DLG2: variants seen among roughly 807,000 people sequenced by gnomAD.
DLG2 encodes disks large homolog 2.
A neutral mutation model predicts 132.5 loss-of-function variants in DLG2; 45 were observed. The ratio of observed to expected loss-of-function variants is 0.34; its 90% CI spans 0.27 to 0.44. DLG2 has a LOEUF of 0.44. Among genes scored for constraint, DLG2 ranks in the 20% least tolerant of loss-of-function variants. The pLI, the probability that DLG2 is intolerant of heterozygous loss-of-function variation, is 1.00. For synonymous variants in DLG2, 424 were observed against 419.6 expected (o/e 1.01, Z -0.13); for missense variants, 1,045 against 1,196.9 (o/e 0.87, Z 1.87).
At chr11:85,516,674 A>G (rs2094176056) in intron 3 of DLG2, among the ~76,000 whole-genome samples, 1 of 152,104 alleles carries the variant, frequency 6.6e-6, no homozygotes, top group Non-Finnish European at 1.5e-5. Context: ...GAAATCCTAG[A>G]GGAAATGAAT....
At chr11:85,092,444 C>T (rs2068940256) in intron 6 of DLG2, among the ~76,000 whole-genome samples, 3 of 151,988 alleles carry the variant, frequency 2.0e-5, no homozygotes, top group Admixed American at 1.3e-4. Context: ...TTAAAAGACA[C>T]TTATTTACAT....
intron 6 of DLG2, among the ~76,000 whole-genome samples, chr11:84,659,287 G>A (rs966658177): frequency 1.3e-5 from 2 of 151,740 alleles, no homozygotes; most frequent in Admixed American, 1.3e-4. Flanking sequence ...GTCTGTCCCT[G>A]GACCCTCTCT....
intron 7 of DLG2, among the ~76,000 whole-genome samples, chr11:84,309,423 A>G (rs1165635363): frequency 2.0e-5 from 3 of 152,220 alleles, no homozygotes; most frequent in Admixed American, 2.0e-4. Context: ...GGCAACTTAT[A>G]ACAATAAAAG....
chr11:84,532,925 G>A (rs938499786), intron 7 of DLG2, among the ~76,000 whole-genome samples: 1 of 152,140 alleles, frequency 6.6e-6, no homozygotes, highest in East Asian at 1.9e-4. Context: ...AACAGAGTAA[G>A]GATCAGCAAT....
chr11:85,397,967 G>C (rs149640316), intron 3 of DLG2, among the ~76,000 whole-genome samples: 1 of 152,088 alleles, frequency 6.6e-6, no homozygotes, highest in Non-Finnish European at 1.5e-5. Flanking sequence ...CAAATCAACA[G>C]AATATACATT....
At chr11:85,503,551 A>C (rs974609783) in intron 3 of DLG2, among the ~76,000 whole-genome samples, 5 of 152,096 alleles carry the variant, frequency 3.3e-5, no homozygotes, top group African/African-American at 1.2e-4. Flanking sequence ...AGGTGATTGG[A>C]TAATGAAGGT....
chr11:83,503,741 C>T (rs1592013914), intron 21 of DLG2, among the ~76,000 whole-genome samples: 1 of 151,960 alleles, frequency 6.6e-6, no homozygotes, highest in South Asian at 2.1e-4. Flanking sequence ...CTTTCCCAGC[C>T]CACTGACTCA....
chr11:84,114,456 C>T (rs553076436), intron 9 of DLG2, among the ~76,000 whole-genome samples: 4 of 152,050 alleles, frequency 2.6e-5, no homozygotes, highest in Middle Eastern at 3.2e-3. Flanking sequence ...AATTTGAAAG[C>T]GAACTCAAGG....
At chr11:83,522,489 G>T (rs541023411) in intron 21 of DLG2, among the ~76,000 whole-genome samples, 2 of 151,106 alleles carry the variant, frequency 1.3e-5, no homozygotes, top group African/African-American at 4.9e-5. Flanking sequence ...TCCTCTAAAG[G>T]CAACAATAAA....
In DLG2 at chr11:85,536,214, C is replaced by CAA. The variant is rs527811605; in HGVS notation, c.40+62441_40+62442dup. 6.6e-3 allele frequency among the ~76,000 whole-genome samples: 376 copies of CAA among 57,108 alleles called. 4 individuals are homozygous for CAA. The highest frequency in any genetic ancestry group is 0.017 in the African/African-American group (257 of 15,352). 37.5% of individuals were successfully genotyped at this position (57,108 alleles called of 152,430 possible). ...CTGGCAACAGAGTGTGACCCTGTCTCAAAAAAAAAAAAAAAAAAAAAAAAG... is the reference window on the plus strand; with the variant it reads ...CTGGCAACAGAGTGTGACCCTGTCTCAAAAAAAAAAAAAAAAAAAAAAAAAAG... On this transcript the variant is annotated intron_variant, in intron 3 of 27. Transcript: ENST00000376104.
intron 7 of DLG2, among the ~76,000 whole-genome samples, chr11:84,474,793 T>C (rs1017952274): frequency 2.6e-5 from 4 of 152,144 alleles, no homozygotes; most frequent in African/African-American, 9.6e-5. Flanking sequence ...ATAATCTTCT[T>C]GAAGAGTGGG....
intron 19 of DLG2, among the ~76,000 whole-genome samples, chr11:83,614,131 A>T (rs1039485541): frequency 1.3e-5 from 2 of 152,160 alleles, no homozygotes; most frequent in Non-Finnish European, 2.9e-5. Flanking sequence ...GTGAGTTCCA[A>T]ATTCAGTGTA....
intron 9 of DLG2, among the ~76,000 whole-genome samples, chr11:84,162,781 C>T (rs2095575651): frequency 6.6e-6 from 1 of 152,236 alleles, no homozygotes; most frequent in Admixed American, 6.5e-5. Context: ...CATTGTCTTC[C>T]TTTGTTCTTA....
chr11:84,928,178 G>C (rs1437866149), intron 6 of DLG2, among the ~76,000 whole-genome samples: 1 of 151,946 alleles, frequency 6.6e-6, no homozygotes, highest in Non-Finnish European at 1.5e-5. Flanking sequence ...TGAGATGGAT[G>C]CCACTTGAGA....
At chr11:85,497,305 G>C (rs530048060) in intron 3 of DLG2, among the ~76,000 whole-genome samples, 62 of 151,614 alleles carry the variant, frequency 4.1e-4, no homozygotes, top group South Asian at 4.0e-3. Context: ...TAGCCAATTT[G>C]ATCAAGCAGA....
chr11:84,005,326 T>C (rs2094529365), intron 11 of DLG2, among the ~76,000 whole-genome samples: 1 of 151,922 alleles, frequency 6.6e-6, no homozygotes, highest in Non-Finnish European at 1.5e-5. Context: ...GACCCCTATC[T>C]GATCATATAC....
At chr11:84,640,117 A>G (rs1485091751) in intron 6 of DLG2, 6 of 315,306 alleles carry the variant, frequency 1.9e-5, no homozygotes, top group Non-Finnish European at 3.6e-5. Context: ...TGTCATATCA[A>G]TGTAGAACTC....
chr11:85,197,302 T>G (rs2081143686), intron 4 of DLG2, among the ~76,000 whole-genome samples: 1 of 152,200 alleles, frequency 6.6e-6, no homozygotes, highest in Non-Finnish European at 1.5e-5. Flanking sequence ...TAGATATCTT[T>G]GGAAATCTAA....
At chr11:84,446,754 C>G (rs1232091464) in intron 7 of DLG2, among the ~76,000 whole-genome samples, 1 of 152,038 alleles carries the variant, frequency 6.6e-6, no homozygotes, top group Non-Finnish European at 1.5e-5. Flanking sequence ...TTTTATGCAA[C>G]AGTCTCAGTT....
Sources: gnomAD v4.1 joint callset for allele counts (sites outside exome capture counted in the v4.1 genomes callset) on GRCh38, gnomAD v4.1.1 for gene constraint, MANE v1.5 for transcripts, NCBI Gene and HGNC (gene_info 2026-07-23, HGNC 2026-07-21) for gene names.